The following WDPCP variants were observed in gnomAD, a reference collection of about 807,000 sequenced individuals.
WDPCP encodes WD repeat-containing and planar cell polarity effector protein fritz homolog.
Under a neutral mutation model 93.1 loss-of-function variants are expected in WDPCP, and 71 were observed. The ratio of observed to expected loss-of-function variants is 0.76; its 90% CI spans 0.63 to 0.93. The LOEUF is 0.93. WDPCP is among the 40% of genes least tolerant of loss of function. The pLI, the probability that WDPCP is intolerant of heterozygous loss-of-function variation, is 0.00. For missense variants in WDPCP, 844 were observed against 887.4 expected (o/e 0.95, Z 0.62); for synonymous variants, 315 against 315.0 (o/e 1.00, Z 0.00).
chr2:63,362,277 T>TCAAGTGTGTGTG (rs1553362984), intron 12 of WDPCP, among the ~76,000 whole-genome samples: 1 of 94,132 alleles, frequency 1.1e-5, no homozygotes, highest in Non-Finnish European at 1.9e-5. Flanking sequence ...TTTTTTTTGG[T>TCAAGTGTGTGTG]TGTGTGTGTG....
chr2:63,501,503 G>A (rs1701549763), intron 1 of WDPCP, among the ~76,000 whole-genome samples: 1 of 152,208 alleles, frequency 6.6e-6, no homozygotes, highest in Non-Finnish European at 1.5e-5. Context: ...GAGTTGGAGA[G>A]TGCAATGAGC....
intron 1 of WDPCP, among the ~76,000 whole-genome samples, chr2:63,496,802 G>T (rs1044409242): frequency 6.6e-6 from 1 of 152,084 alleles, no homozygotes; most frequent in Non-Finnish European, 1.5e-5. Flanking sequence ...GCCCCACAGG[G>T]AATCTATCAT....
intron 3 of WDPCP, among the ~76,000 whole-genome samples, chr2:63,598,896 CAAAA>C (rs1333463606): frequency 4.2e-5 from 3 of 72,216 alleles, no homozygotes; most frequent in Non-Finnish European, 6.1e-5. Flanking sequence ...AAAGAGGTAC[CAAAA>C]AAAAAAAAAA....
At chr2:63,402,474 A>G (rs1694229451) in intron 10 of WDPCP, among the ~76,000 whole-genome samples, 1 of 152,184 alleles carries the variant, frequency 6.6e-6, no homozygotes. Context: ...CTGGAACTTA[A>G]AGTAAAATAA....
chr2:63,625,190 G>C (rs1171488743), intron 3 of WDPCP, among the ~76,000 whole-genome samples: 1 of 152,060 alleles, frequency 6.6e-6, no homozygotes, highest in Non-Finnish European at 1.5e-5. Flanking sequence ...AAAATAATAA[G>C]AGCTATTTAT....
At chr2:63,694,008 T>A (rs1179021664) in intron 2 of WDPCP, among the ~76,000 whole-genome samples, 1 of 152,218 alleles carries the variant, frequency 6.6e-6, no homozygotes, top group African/African-American at 2.4e-5. Flanking sequence ...AATGCTTTCA[T>A]ACTAATTTGT....
intron 15 of WDPCP, among the ~76,000 whole-genome samples, chr2:63,159,481 A>T (rs1426167824): frequency 9.2e-5 from 14 of 152,098 alleles, no homozygotes; most frequent in Non-Finnish European, 2.9e-5. Context: ...TCTTTTACTA[A>T]TCTTTTCTCA....
intron 2 of WDPCP, among the ~76,000 whole-genome samples, chr2:63,751,059 A>T (rs904704658): frequency 6.6e-6 from 1 of 152,110 alleles, no homozygotes; most frequent in Non-Finnish European, 1.5e-5. Flanking sequence ...TTATTTCTTC[A>T]GTGAATGTTC....
intron 1 of WDPCP, among the ~76,000 whole-genome samples, chr2:63,570,226 C>A (rs1255897299): frequency 6.6e-6 from 1 of 152,070 alleles, no homozygotes; most frequent in Non-Finnish European, 1.5e-5. Context: ...TTATACACTG[C>A]AATAAAATGA....
chr2:63,120,210 G>A lies in WDPCP; in HGVS notation c.*1796C>T, dbSNP rs1669476564. On this transcript the variant is annotated 3_prime_UTR_variant, in exon 18 of 18. Coordinates refer to ENST00000272321, the MANE Select transcript of WDPCP (RefSeq NM_015910.7). Reference sequence around the variant, plus strand: ...AATACAATTTTTTCTCTAAAAATTAGTTAACTTTTGATTATCTGTGTGATA... The same window carrying A: ...AATACAATTTTTTCTCTAAAAATTAATTAACTTTTGATTATCTGTGTGATA... Among the ~76,000 whole-genome samples, 1 of 152,098 alleles carries A rather than the reference G, an allele frequency of 6.6e-6. No individual in the cohort carries two copies. The highest frequency in any genetic ancestry group is 1.5e-5 in the Non-Finnish European group (1 of 68,006).
intron 1 of WDPCP, among the ~76,000 whole-genome samples, chr2:63,581,069 TA>T (rs917330425): frequency 3.3e-5 from 5 of 151,706 alleles, no homozygotes; most frequent in Admixed American, 6.6e-5. Flanking sequence ...AATAAAAGAC[TA>T]AAAAAAATAG....
At chr2:63,228,050 C>T (rs944337462) in intron 14 of WDPCP, among the ~76,000 whole-genome samples, 1 of 152,044 alleles carries the variant, frequency 6.6e-6, no homozygotes, top group African/African-American at 2.4e-5. Flanking sequence ...AATAATTTAT[C>T]ATCTCAGGAA....
At chr2:63,585,139 T>C (rs1466425460) in intron 1 of WDPCP, among the ~76,000 whole-genome samples, 5 of 152,214 alleles carry the variant, frequency 3.3e-5, no homozygotes, top group South Asian at 2.1e-4. Flanking sequence ...TTGTAAGACA[T>C]AGTAATAAAG....
chr2:63,670,284 T>C (rs1048718463), intron 2 of WDPCP, among the ~76,000 whole-genome samples: 8 of 152,204 alleles, frequency 5.3e-5, no homozygotes, highest in African/African-American at 1.9e-4. Context: ...GTGGCGTTGC[T>C]ACACAGCCAG....
intron 13 of WDPCP, 138 bp downstream of exon 13, chr2:63,313,110 C>T (rs182640994): frequency 1.8e-5 from 14 of 768,524 alleles, no homozygotes; most frequent in African/African-American, 3.5e-5. Context: ...GAAAGCAAAC[C>T]TGCAAGTCAA....
intron 14 of WDPCP, among the ~76,000 whole-genome samples, chr2:63,241,050 T>A (rs938795224): frequency 1.3e-5 from 2 of 152,210 alleles, no homozygotes; most frequent in African/African-American, 4.8e-5. Flanking sequence ...ACACCAATTC[T>A]TAATTACCAT....
At chr2:63,222,937 A>G (rs1677965824) in intron 14 of WDPCP, among the ~76,000 whole-genome samples, 1 of 152,104 alleles carries the variant, frequency 6.6e-6, no homozygotes, top group Non-Finnish European at 1.5e-5. Flanking sequence ...ATATGTTTTA[A>G]AAGGGGGAAA....
chr2:63,511,346 T>C (rs187774060), intron 1 of WDPCP, among the ~76,000 whole-genome samples: 9 of 152,236 alleles, frequency 5.9e-5, no homozygotes, highest in African/African-American at 2.2e-4. Flanking sequence ...GATTCAATGG[T>C]ATTCCCATCA....
At chr2:63,425,226 A>G (rs1696181212) in intron 9 of WDPCP, among the ~76,000 whole-genome samples, 1 of 152,204 alleles carries the variant, frequency 6.6e-6, no homozygotes. Context: ...AAAAACAAAA[A>G]GCCCCATTCA....
Sources: gnomAD v4.1 joint callset for allele counts (sites outside exome capture counted in the v4.1 genomes callset) on GRCh38, gnomAD v4.1.1 for gene constraint, MANE v1.5 for transcripts, NCBI Gene and HGNC (gene_info 2026-07-23, HGNC 2026-07-21) for gene names.